The following CFAP44 variants were observed in gnomAD, a reference collection of about 807,000 sequenced individuals.
The protein encoded by CFAP44 is cilia- and flagella-associated protein 44.
Under a neutral mutation model 216.2 loss-of-function variants are expected in CFAP44, and 134 were observed. The ratio of observed to expected loss-of-function variants is 0.62; its 90% CI spans 0.54 to 0.72. The LOEUF (loss-of-function observed/expected upper bound fraction) is 0.72, where lower values mean the gene tolerates loss of function less well. Ranked by LOEUF, CFAP44 falls within the 30% of genes least tolerant of loss-of-function variation. The probability of loss-of-function intolerance (pLI) is 0.00; values close to 1 mark genes in which losing one functional copy is unlikely to be tolerated. For missense variants in CFAP44, 2,035 were observed against 2,182.1 expected, an observed-to-expected ratio of 0.93 and a Z score of 1.34; for synonymous variants, 700 against 727.6, an observed-to-expected ratio of 0.96 and a Z score of 0.61.
At chr3:113,402,107 C>T (rs1166708052) in intron 9 of CFAP44, among the ~76,000 whole-genome samples, 4 of 152,056 alleles carry the variant, frequency 2.6e-5, no homozygotes, top group African/African-American at 9.7e-5. Flanking sequence ...TATAATGAAC[C>T]CTGTTTTCTA....
intron 5 of CFAP44, among the ~76,000 whole-genome samples, chr3:113,418,643 T>G (rs1244247916): frequency 6.6e-6 from 1 of 152,092 alleles, no homozygotes; most frequent in Non-Finnish European, 1.5e-5. Context: ...AAAGGCCTTG[T>G]GGACATAAAA....
chr3:113,318,935 C>A, intron 28 of CFAP44, among the ~76,000 whole-genome samples: 1 of 149,826 alleles, frequency 6.7e-6, no homozygotes. Flanking sequence ...GAGTGTTAAA[C>A]ATGGACTCAA....
intron 2 of CFAP44, among the ~76,000 whole-genome samples, chr3:113,430,429 G>GAAAAAAAAAAAAAAAAAAAAAAAA (rs754983161): frequency 4.0e-5 from 3 of 74,200 alleles, no homozygotes; most frequent in East Asian, 4.5e-4. Flanking sequence ...AAAAATAAAT[G>GAAAAAAAAAAAAAAAAAAAAAAAA]AAAAAAAAAA....
At chr3:113,423,645 A>G (rs1046257081) in intron 4 of CFAP44, among the ~76,000 whole-genome samples, 1 of 152,232 alleles carries the variant, frequency 6.6e-6, no homozygotes, top group African/African-American at 2.4e-5. Flanking sequence ...AAAATTGTTT[A>G]AACACTGTTA....
chr3:113,296,895 G>GGC lies in CFAP44; in HGVS notation c.5078-11_5078-10insGC. On this transcript the variant is annotated splice_polypyrimidine_tract_variant and intron_variant, in intron 32 of 34. Coordinates refer to ENST00000393845, the MANE Select transcript of CFAP44 (RefSeq NM_001164496.2). ...ACTGTTTCCTCCATTTCTAAAAGAA[G>GGC]ACAGTCACTGGCTCAGGTTGTTCAA... The GGC allele has an allele frequency of 6.5e-7, 1 of 1,537,202 alleles. No individual in the cohort carries two copies. Among genetic ancestry groups the GGC allele is most frequent in the South Asian group, 1.2e-5 (1 of 84,050 alleles).
chr3:113,420,624 A>G (rs997849619), intron 4 of CFAP44, among the ~76,000 whole-genome samples: 3 of 152,216 alleles, frequency 2.0e-5, no homozygotes, highest in African/African-American at 7.2e-5. Context: ...CTGTATCTTC[A>G]TCACCTTTGT....
At chr3:113,392,314 A>G (rs1240472210) in intron 15 of CFAP44, among the ~76,000 whole-genome samples, 1 of 152,070 alleles carries the variant, frequency 6.6e-6, no homozygotes, top group East Asian at 1.9e-4. Context: ...GACAAACATC[A>G]CATGGTCTCC....
intron 4 of CFAP44, among the ~76,000 whole-genome samples, chr3:113,420,688 G>A (rs1322731934): frequency 1.3e-5 from 2 of 152,038 alleles, no homozygotes; most frequent in African/African-American, 4.8e-5. Flanking sequence ...TATTACGTAG[G>A]CCTTTTCCTT....
chr3:113,399,931 G>A lies in CFAP44; in HGVS notation c.1544C>T (p.Thr515Ile). 6.2e-7 allele frequency: 1 copy of A among 1,600,552 alleles called. No individual in the cohort carries two copies. Among genetic ancestry groups the A allele is most frequent in the Non-Finnish European group, 8.5e-7 (1 of 1,174,550 alleles). Residue 515 changes from threonine (T) to isoleucine (I), a missense_variant, in exon 13 of 35, where the codon ACT becomes ATT. By Grantham distance (89) the Thr-to-Ile change is moderately conservative. Coordinates refer to ENST00000393845, the MANE Select transcript of CFAP44 (RefSeq NM_001164496.2). ...CATTCGGGGTACCCAAACAAGGGCA[G>A]TACCTCCTTGTTTGAATTTCATCTG... ...LAQMKFKQGG[T>I]ALVWVPRMVN...
chr3:113,416,674 TATAA>T (rs769013255), intron 5 of CFAP44, 47 bp from the exon 6 acceptor site: 23 of 1,364,880 alleles, frequency 1.7e-5, no homozygotes, highest in Middle Eastern at 2.1e-4. Context: ...AAGATTTTTG[TATAA>T]ATAGTCTGAT....
At chr3:113,425,304 A>G (rs1934930359) in intron 4 of CFAP44, among the ~76,000 whole-genome samples, 1 of 152,226 alleles carries the variant, frequency 6.6e-6, no homozygotes, top group Non-Finnish European at 1.5e-5. Context: ...GGTTTAGGCC[A>G]CGTGGTGATA....
In CFAP44 at chr3:113,416,612, T is replaced by G; in HGVS notation, c.586A>C (p.Thr196Pro). 1 of 1,608,562 alleles carries G rather than the reference T, an allele frequency of 6.2e-7. No individual in the cohort carries two copies. The highest frequency in any genetic ancestry group is 8.5e-7 in the Non-Finnish European group (1 of 1,176,918). Residue 196 changes from threonine (T) to proline (P), a missense_variant, in exon 6 of 35, where the codon ACT (threonine) becomes CCT (proline). This residue lies in a region of CFAP44 where 1,883 missense variants were observed against 2,023.7 expected (regional missense o/e 0.93). Transcript: ENST00000393845. ...IGVIGVHPHK[T>P]YFTVAEKGSF... ...CCTTTTTCAGCTACTGTGAAATAAG[T>G]TTTATGTGGATGAACCTACAAAAGA...
rs142339650 is a variant in CFAP44, at chr3:113,388,442, C to T, written c.1890+7308G>A. Among the ~76,000 whole-genome samples, 5 of 151,088 alleles carry T rather than the reference C, an allele frequency of 3.3e-5. No individual in the cohort carries two copies. The East Asian group carries it at 5.8e-4, about 18-fold the overall frequency. The stretch of plus-strand genomic sequence containing the variant: ...AAAACATACCACCAGAGAAAATCAC[C>T]GTCACTAAAACGTAGATAAGAAGGA... On this transcript the variant is annotated intron_variant, in intron 15 of 34. Coordinates refer to ENST00000393845, the MANE Select transcript of CFAP44 (RefSeq NM_001164496.2).
At chr3:113,309,473 ATT>A (rs1425564107) in intron 28 of CFAP44, among the ~76,000 whole-genome samples, 2 of 152,152 alleles carry the variant, frequency 1.3e-5, no homozygotes, top group Non-Finnish European at 2.9e-5. Context: ...AGTCTGCCTT[ATT>A]GTTTTTAATA....
At chr3:113,321,788 A>G (rs1950148291) in intron 28 of CFAP44, among the ~76,000 whole-genome samples, 1 of 152,218 alleles carries the variant, frequency 6.6e-6, no homozygotes, top group African/African-American at 2.4e-5. Flanking sequence ...AAAATGAAAT[A>G]CCTGGGAACA....
chr3:113,297,893 T>A (rs1949897472), intron 32 of CFAP44, among the ~76,000 whole-genome samples: 1 of 152,270 alleles, frequency 6.6e-6, no homozygotes, highest in Admixed American at 6.5e-5. Context: ...TGTTACAATT[T>A]ACATTTGAAT....
intron 9 of CFAP44, among the ~76,000 whole-genome samples, chr3:113,402,379 T>G (rs956372119): frequency 3.3e-5 from 5 of 152,052 alleles, no homozygotes; most frequent in Non-Finnish European, 7.4e-5. Context: ...TAGATTGTTG[T>G]TCATTGGGAG....
chr3:113,302,852 A>T (rs1259832702), intron 32 of CFAP44, among the ~76,000 whole-genome samples: 1 of 151,944 alleles, frequency 6.6e-6, no homozygotes, highest in Non-Finnish European at 1.5e-5. Flanking sequence ...CATTCAATGG[A>T]CAAAAAGGAT....
At chr3:113,376,450 G>A (rs1933346892) in intron 17 of CFAP44, among the ~76,000 whole-genome samples, 1 of 152,204 alleles carries the variant, frequency 6.6e-6, no homozygotes, top group Non-Finnish European at 1.5e-5. Context: ...TAGCAAGAAA[G>A]AGGGGGCCCA....
Sources: allele counts gnomAD v4.1 joint callset (sites outside exome capture counted in the v4.1 genomes callset), GRCh38; gene constraint gnomAD v4.1.1; regional missense constraint gnomAD v4.1.1; transcripts MANE v1.5; gene names NCBI Gene and HGNC (gene_info 2026-07-23, HGNC 2026-07-21).